The following SLC41A2 variants were observed in gnomAD, a reference collection of about 807,000 sequenced individuals.
The protein encoded by SLC41A2 is SLC41A1-like 1.
In SLC41A2, 32 loss-of-function variants were observed where a neutral mutation model predicts 58.3. That is an observed-to-expected ratio of 0.55 (90% confidence interval 0.41 to 0.74). The LOEUF is 0.74. SLC41A2 is among the 30% of genes least tolerant of loss of function. SLC41A2 has a pLI of 0.00. For synonymous variants in SLC41A2, 190 were observed against 235.0 expected (o/e 0.81, Z 1.75); for missense variants, 514 against 680.6 (o/e 0.76, Z 2.72).
At chr12:104,949,077 T>A (rs2047853349) in intron 1 of SLC41A2, among the ~76,000 whole-genome samples, 1 of 151,892 alleles carries the variant, frequency 6.6e-6, no homozygotes, top group African/African-American at 2.4e-5. Context: ...TAGTGGGGCA[T>A]GGTGGTGGTG....
intron 1 of SLC41A2, among the ~76,000 whole-genome samples, chr12:104,940,934 CAAAAAAA>C (rs386377636): frequency 2.1e-5 from 2 of 95,532 alleles, no homozygotes; most frequent in Admixed American, 1.2e-4. Flanking sequence ...GACTCTGCCT[CAAAAAAA>C]AAAAAAAAAA....
intron 6 of SLC41A2, among the ~76,000 whole-genome samples, chr12:104,883,844 C>T (rs542041166): frequency 6.6e-5 from 10 of 152,148 alleles, no homozygotes; most frequent in African/African-American, 1.7e-4. Context: ...TCTCAAACTC[C>T]GTGCTGGGAG....
intron 10 of SLC41A2, among the ~76,000 whole-genome samples, chr12:104,830,475 T>A (rs539747199): frequency 3.9e-5 from 6 of 152,314 alleles, no homozygotes; most frequent in African/African-American, 1.4e-4. Flanking sequence ...CTCTGTGGAA[T>A]TTTTTTCCTG....
intron 3 of SLC41A2, among the ~76,000 whole-genome samples, chr12:104,898,298 CCTT>C (rs1007571988): frequency 2.6e-5 from 4 of 152,006 alleles, no homozygotes; most frequent in African/African-American, 9.7e-5. Context: ...ATCCCAAAAG[CCTT>C]CTTCTGCATA....
chr12:104,905,702 G>A (rs967175394), intron 3 of SLC41A2, among the ~76,000 whole-genome samples: 4 of 152,250 alleles, frequency 2.6e-5, no homozygotes, highest in Non-Finnish European at 5.9e-5. Flanking sequence ...GCGCAGCGCC[G>A]GTGGGCCAGC....
intron 1 of SLC41A2, among the ~76,000 whole-genome samples, chr12:104,952,984 A>G (rs943607149): frequency 5.3e-5 from 8 of 152,324 alleles, no homozygotes; most frequent in African/African-American, 1.9e-4. Context: ...CACTTAACCA[A>G]TGCTTATTAC....
chr12:104,890,306 A>T (rs1221497688), intron 4 of SLC41A2, among the ~76,000 whole-genome samples: 1 of 152,222 alleles, frequency 6.6e-6, no homozygotes, highest in Non-Finnish European at 1.5e-5. Context: ...TGTCATCCAC[A>T]GATACAGAGC....
intron 7 of SLC41A2, among the ~76,000 whole-genome samples, chr12:104,862,061 G>C (rs1216829997): frequency 6.6e-6 from 1 of 152,168 alleles, no homozygotes; most frequent in African/African-American, 2.4e-5. Context: ...ATCAGTTTCT[G>C]GGTCTGTGTA....
intron 6 of SLC41A2, among the ~76,000 whole-genome samples, chr12:104,880,378 A>T (rs1192738728): frequency 1.3e-5 from 2 of 152,214 alleles, no homozygotes; most frequent in Non-Finnish European, 2.9e-5. Context: ...GAGAGAGGGC[A>T]TCCCTGTCTT....
chr12:104,947,921 T>C (rs1292081467), intron 1 of SLC41A2, among the ~76,000 whole-genome samples: 2 of 152,220 alleles, frequency 1.3e-5, no homozygotes, highest in Non-Finnish European at 2.9e-5. Context: ...CCTGGGCTAA[T>C]GAACTAAGTC....
At chr12:104,913,819 C>A (rs909620909) in intron 2 of SLC41A2, among the ~76,000 whole-genome samples, 6 of 152,210 alleles carry the variant, frequency 3.9e-5, no homozygotes, top group Non-Finnish European at 8.8e-5. Context: ...CGCCTGTAAT[C>A]CCAGCACTCT....
At chr12:104,892,066 G>A (rs1593085273) in intron 4 of SLC41A2, among the ~76,000 whole-genome samples, 1 of 152,070 alleles carries the variant, frequency 6.6e-6, no homozygotes, top group African/African-American at 2.4e-5. Context: ...TCGGGAGGCT[G>A]AGGCAGGTGG....
chr12:104,894,940 G>A (rs1283114849), intron 4 of SLC41A2, among the ~76,000 whole-genome samples: 1 of 151,964 alleles, frequency 6.6e-6, no homozygotes, highest in Non-Finnish European at 1.5e-5. Flanking sequence ...GTAAAAAATA[G>A]CACTTAATGA....
chr12:104,896,181 A>T (rs922597435), intron 3 of SLC41A2, among the ~76,000 whole-genome samples: 5 of 152,204 alleles, frequency 3.3e-5, no homozygotes, highest in Admixed American at 2.0e-4. Flanking sequence ...ATTCATGGGT[A>T]GTTTTAACCA....
intron 1 of SLC41A2, among the ~76,000 whole-genome samples, chr12:104,934,018 T>C (rs1428640242): frequency 6.6e-6 from 1 of 151,868 alleles, no homozygotes; most frequent in African/African-American, 2.4e-5. Context: ...TTCACCACTA[T>C]ACAATTCATC....
chr12:104,816,764 C>T (rs1475446289), intron 10 of SLC41A2, among the ~76,000 whole-genome samples: 8 of 152,132 alleles, frequency 5.3e-5, no homozygotes, highest in South Asian at 2.1e-4. Flanking sequence ...CATGGATTTG[C>T]GCAGGATCCA....
chr12:104,872,966 C>T (rs1364594397), intron 6 of SLC41A2, among the ~76,000 whole-genome samples: 1 of 152,132 alleles, frequency 6.6e-6, no homozygotes, highest in Non-Finnish European at 1.5e-5. Flanking sequence ...TAAGTGGTTA[C>T]TACAGTCCAG....
chr12:104,885,028 C>A (rs1048100607), intron 6 of SLC41A2, among the ~76,000 whole-genome samples: 1 of 151,940 alleles, frequency 6.6e-6, no homozygotes, highest in African/African-American at 2.4e-5. Flanking sequence ...ACATAACCCA[C>A]TTCCTGTGCT....
At chr12:104,870,101 A>G (rs1281726065) in intron 6 of SLC41A2, among the ~76,000 whole-genome samples, 1 of 152,228 alleles carries the variant, frequency 6.6e-6, no homozygotes, top group Non-Finnish European at 1.5e-5. Flanking sequence ...GATTAAGTCA[A>G]GAATTTTGGG....
Sources: gnomAD v4.1 joint callset for allele counts (sites outside exome capture counted in the v4.1 genomes callset) on GRCh38, gnomAD v4.1.1 for gene constraint, MANE v1.5 for transcripts, NCBI Gene and HGNC (gene_info 2026-07-23, HGNC 2026-07-21) for gene names.